The following BTBD9 variants were observed in gnomAD, a reference collection of about 807,000 sequenced individuals.
BTBD9 encodes the protein BTB domain containing 9, also known as BTB/POZ domain-containing protein 9.
Under a neutral mutation model 64.3 loss-of-function variants are expected in BTBD9, and 49 were observed. That is an observed-to-expected ratio of 0.76 (90% CI 0.61 to 0.97). The LOEUF is 0.97. Among genes scored for constraint, BTBD9 ranks in the 50% least tolerant of loss-of-function variants. The pLI, the probability that BTBD9 is intolerant of heterozygous loss-of-function variation, is 0.00. For synonymous variants in BTBD9, 260 were observed against 274.7 expected (o/e 0.95, Z 0.53); for missense variants, 598 against 762.1 (o/e 0.78, Z 2.53).
intron 6 of BTBD9, among the ~76,000 whole-genome samples, chr6:38,379,447 G>A (rs1332180949): frequency 6.6e-6 from 1 of 152,006 alleles, no homozygotes; most frequent in Non-Finnish European, 1.5e-5. Flanking sequence ...CTAAAATAAG[G>A]GATTAATCCA....
chr6:38,372,114 T>C (rs556870310), intron 6 of BTBD9, among the ~76,000 whole-genome samples: 284 of 152,310 alleles, frequency 1.9e-3, no homozygotes, highest in Admixed American at 3.3e-3. Context: ...CACCATCTCC[T>C]GGGCCATCAG....
intron 6 of BTBD9, among the ~76,000 whole-genome samples, chr6:38,534,475 C>CCAAAAAAA (rs371256719): frequency 1.1e-5 from 1 of 94,946 alleles, no homozygotes; most frequent in Admixed American, 1.1e-4. Context: ...TCAAACTGTT[C>CCAAAAAAA]AAAAAAAAAA....
At chr6:38,187,171 G>A (rs1281207868) in intron 10 of BTBD9, among the ~76,000 whole-genome samples, 1 of 152,330 alleles carries the variant, frequency 6.6e-6, no homozygotes, top group East Asian at 1.9e-4. Flanking sequence ...CTTGGGGGCT[G>A]AAACTAAAGA....
At chr6:38,518,393 C>T (rs114950199) in intron 6 of BTBD9, among the ~76,000 whole-genome samples, 1,684 of 152,220 alleles carry the variant, frequency 0.011, 9 homozygotes, top group Non-Finnish European at 0.018. Context: ...GACTGATATG[C>T]GAGTGATAAT....
chr6:38,229,140 G>C (rs1328215477), intron 9 of BTBD9, among the ~76,000 whole-genome samples: 1 of 151,382 alleles, frequency 6.6e-6, no homozygotes, highest in Non-Finnish European at 1.5e-5. Context: ...GGAGGTTGCA[G>C]TGAGTGGAGA....
intron 6 of BTBD9, among the ~76,000 whole-genome samples, chr6:38,535,649 TA>T (rs1462306230): frequency 1.3e-5 from 2 of 151,836 alleles, no homozygotes; most frequent in East Asian, 1.9e-4. Flanking sequence ...TTACTGGCAT[TA>T]AAAAACAGAT....
At chr6:38,219,589 C>T (rs991761893) in intron 9 of BTBD9, among the ~76,000 whole-genome samples, 8 of 152,060 alleles carry the variant, frequency 5.3e-5, no homozygotes. Flanking sequence ...TGCATCTTAC[C>T]TGAGCTATTA....
At chr6:38,604,872 G>C (rs533743580) in intron 1 of BTBD9, among the ~76,000 whole-genome samples, 7 of 152,246 alleles carry the variant, frequency 4.6e-5, no homozygotes, top group Non-Finnish European at 1.0e-4. Context: ...TGATGTGTTT[G>C]TATGTATTTA....
intron 8 of BTBD9, 47 bp downstream of exon 8, chr6:38,288,225 G>A (rs1426415405): frequency 1.3e-6 from 2 of 1,532,206 alleles, no homozygotes; most frequent in South Asian, 1.2e-5. Flanking sequence ...CAATCTATAT[G>A]TGTATCTTCC....
Position 38,236,344 on chromosome 6 carries a change from T to C in BTBD9, c.1562+20065A>G, listed in dbSNP as rs149535382. On this transcript the variant is annotated intron_variant, in intron 9 of 10. Coordinates refer to ENST00000481247, the MANE Select transcript of BTBD9 (RefSeq NM_001099272.2). ...CATTTGTAGTAAAATTAACAAATCA[T>C]ATGACCTAGACATTTCTAAAGACTA... Among the ~76,000 whole-genome samples the C allele has an allele frequency of 3.3e-5, 5 of 152,342 alleles. No individual in the cohort carries two copies. In the East Asian group the frequency reaches 9.6e-4, roughly 29 times the overall value.
intron 7 of BTBD9, among the ~76,000 whole-genome samples, chr6:38,293,496 G>C (rs901302045): frequency 2.0e-5 from 3 of 152,020 alleles, no homozygotes; most frequent in Non-Finnish European, 2.9e-5. Context: ...CAGAACAGAG[G>C]CCTCAGAAAT....
intron 6 of BTBD9, among the ~76,000 whole-genome samples, chr6:38,561,532 A>C (rs1482428277): frequency 1.3e-5 from 2 of 152,220 alleles, no homozygotes; most frequent in Admixed American, 6.5e-5. Context: ...TAGCAAAGAG[A>C]TAGACTCAAT....
chr6:38,181,709 G>A (rs1396953382), intron 10 of BTBD9, among the ~76,000 whole-genome samples: 7 of 152,134 alleles, frequency 4.6e-5, no homozygotes, highest in African/African-American at 1.2e-4. Flanking sequence ...GTTAGGGGCC[G>A]GGCATGGTGG....
chr6:38,238,471 TTTTTTG>T (rs1195496006), intron 9 of BTBD9, among the ~76,000 whole-genome samples: 1 of 26,634 alleles, frequency 3.8e-5, no homozygotes, highest in Non-Finnish European at 8.6e-5. Context: ...GAGACCAAGG[TTTTTTG>T]TTTTTTTTTT....
At chr6:38,480,343 G>C (rs1036396748) in intron 6 of BTBD9, among the ~76,000 whole-genome samples, 1 of 152,078 alleles carries the variant, frequency 6.6e-6, no homozygotes, top group East Asian at 1.9e-4. Context: ...CTCCTTTGTC[G>C]GTGCTCAATA....
chr6:38,527,673 T>A (rs1347562175), intron 6 of BTBD9, among the ~76,000 whole-genome samples: 1 of 152,096 alleles, frequency 6.6e-6, no homozygotes, highest in Non-Finnish European at 1.5e-5. Flanking sequence ...TTGGATAGTA[T>A]CTTTACAGCA....
intron 7 of BTBD9, among the ~76,000 whole-genome samples, chr6:38,312,405 C>A (rs9369046): frequency 0.062 from 9,387 of 152,128 alleles, 794 homozygotes; most frequent in East Asian, 0.39. Context: ...AGCTTTTTAA[C>A]TTCATGTGAT....
chr6:38,435,795 A>G (rs903649157), intron 6 of BTBD9, among the ~76,000 whole-genome samples: 5 of 150,928 alleles, frequency 3.3e-5, no homozygotes, highest in Non-Finnish European at 5.9e-5. Flanking sequence ...CAGCCTCCCG[A>G]GTAGCTGGGA....
At chr6:38,512,373 A>C (rs1772815386) in intron 6 of BTBD9, among the ~76,000 whole-genome samples, 1 of 152,234 alleles carries the variant, frequency 6.6e-6, no homozygotes, top group South Asian at 2.1e-4. Flanking sequence ...CCATATGGTG[A>C]CTATTAATTA....
Sources: allele counts gnomAD v4.1 joint callset (sites outside exome capture counted in the v4.1 genomes callset), GRCh38; gene constraint gnomAD v4.1.1; transcripts MANE v1.5; gene names NCBI Gene and HGNC (gene_info 2026-07-23, HGNC 2026-07-21).